PRPH2: variants seen among roughly 807,000 people sequenced by gnomAD.
The protein encoded by PRPH2 is peripherin 2, also known as peripherin-2.
A neutral mutation model predicts 31.3 loss-of-function variants in PRPH2; 17 were observed. That is an observed-to-expected ratio of 0.54 (90% confidence interval 0.37 to 0.81). The LOEUF is 0.81. Ranked by LOEUF, PRPH2 falls within the 40% of genes least tolerant of loss-of-function variation. The probability of loss-of-function intolerance (pLI) is 0.00; values close to 1 mark genes in which losing one functional copy is unlikely to be tolerated. For synonymous variants in PRPH2, 165 were observed against 184.4 expected, an observed-to-expected ratio of 0.89 and a Z score of 0.85; for missense variants, 430 against 439.7, an observed-to-expected ratio of 0.98 and a Z score of 0.20.
Position 42,699,962 on chromosome 6 carries a change from C to CTTTTTT in PRPH2, c.829-1461_829-1456dup, listed in dbSNP as rs70990126. 3.8e-4 allele frequency among the ~76,000 whole-genome samples: 52 copies of CTTTTTT among 137,874 alleles called. 3 individuals are homozygous for CTTTTTT. The highest frequency in any genetic ancestry group is 9.5e-4 in the African/African-American group (35 of 36,960). 90.5% of individuals were successfully genotyped at this position (137,874 alleles called of 152,430 possible). On this transcript the variant is annotated intron_variant, in intron 2 of 2. Coordinates refer to ENST00000230381, the MANE Select transcript of PRPH2 (RefSeq NM_000322.5). ...GCTGATAATTAGCTTATTGTTTTCACTTTTTTTTTTTTTTGAGATGGAGTC... is the reference window on the plus strand; with the variant it reads ...GCTGATAATTAGCTTATTGTTTTCACTTTTTTTTTTTTTTTTTTTTGAGATGGAGTC...
intron 1 of PRPH2, among the ~76,000 whole-genome samples, chr6:42,707,768 C>T (rs1800195134): frequency 6.6e-6 from 1 of 152,148 alleles, no homozygotes; most frequent in Non-Finnish European, 1.5e-5. Flanking sequence ...TGGGTCATGG[C>T]AACCATGTTT....
chr6:42,715,424 A>C (rs918554863), intron 1 of PRPH2, among the ~76,000 whole-genome samples: 2 of 151,976 alleles, frequency 1.3e-5, no homozygotes, highest in African/African-American at 4.8e-5. Context: ...TAATCCCAGC[A>C]ATTTGGGAGG....
intron 1 of PRPH2, among the ~76,000 whole-genome samples, chr6:42,713,346 A>C (rs957551705): frequency 1.8e-4 from 27 of 152,248 alleles, no homozygotes; most frequent in Non-Finnish European, 2.8e-4. Context: ...GCCTCCTCCA[A>C]GTGTAGCAGG....
rs41273820 is a variant in PRPH2 at position 42,698,555 on chromosome 6, G to A, written c.829-48C>T. ...AGAGGCAATCTGGGAGAATCGCTGG[G>A]AGCTGGACCATTAGGAAACCACAGG... On this transcript the variant is annotated intron_variant, in intron 2 of 2. Coordinates refer to ENST00000230381, the MANE Select transcript of PRPH2 (RefSeq NM_000322.5). 357,872 of 1,609,070 alleles carry A rather than the reference G, an allele frequency of 0.22. 40,807 individuals are homozygous for A. Among genetic ancestry groups the A allele is most frequent in the South Asian group, 0.25 (23,033 of 90,636 alleles).
Position 42,711,300 on chromosome 6 carries a change from T to A in PRPH2, c.582-6689A>T, listed in dbSNP as rs569256802. Among the ~76,000 whole-genome samples the A allele has an allele frequency of 4.8e-4, 73 of 152,356 alleles. 1 individual carries two copies. The highest frequency in any genetic ancestry group is 5.9e-5 in the Non-Finnish European group (4 of 68,038). ...AGAACAGTAAGAAATAAATCTCTACTCTTTATCAATTATCCAGACTCAGGT... is the reference window on the plus strand; with the variant it reads ...AGAACAGTAAGAAATAAATCTCTACACTTTATCAATTATCCAGACTCAGGT... On this transcript the variant is annotated intron_variant, in intron 1 of 2. Transcript: ENST00000230381.
chr6:42,702,242 TAA>T (rs555393800), intron 2 of PRPH2, among the ~76,000 whole-genome samples: 5 of 141,018 alleles, frequency 3.5e-5, no homozygotes, highest in African/African-American at 5.2e-5. Context: ...AACTCTGTCT[TAA>T]AAAAAAAAAA....
intron 1 of PRPH2, among the ~76,000 whole-genome samples, chr6:42,715,831 TGCTTACTGAG>T (rs553513335): frequency 6.6e-6 from 1 of 152,266 alleles, no homozygotes; most frequent in South Asian, 2.1e-4. Context: ...CGCCCCTCCA[TGCTTACTGAG>T]GCAATGCACT....
rs1799988943 is a variant in PRPH2, at chr6:42,698,453, T to C, written c.883A>G (p.Asn295Asp). The change falls in exon 3 of 3, where the codon AAC (asparagine) becomes GAC (aspartate). Residue 295 changes from asparagine to aspartate, a missense_variant. Coordinates refer to ENST00000230381, the MANE Select transcript of PRPH2 (RefSeq NM_000322.5). ...YLQTSLDGVS[N>D]PEESESESQG... ...CTCTCGCTCTCAGATTCCTCGGGGT[T>C]GGACACACCATCCAGCGACGTCTGT... 1 of 1,614,042 alleles carries C rather than the reference T, an allele frequency of 6.2e-7. No individual in the cohort carries two copies. The highest frequency in any genetic ancestry group is 1.1e-5 in the South Asian group (1 of 91,088).
intron 2 of PRPH2, among the ~76,000 whole-genome samples, chr6:42,701,954 G>C (rs1277595918): frequency 1.3e-5 from 2 of 151,928 alleles, no homozygotes; most frequent in East Asian, 1.9e-4. Flanking sequence ...TTAAAAGAAG[G>C]CTTCGGCTGG....
chr6:42,717,498 G>A (rs1053015819), intron 1 of PRPH2, among the ~76,000 whole-genome samples: 2 of 151,946 alleles, frequency 1.3e-5, no homozygotes, highest in South Asian at 2.1e-4. Flanking sequence ...AGCCCGGGGG[G>A]TGCTGCCGAG....
rs529100150 is a variant in PRPH2, at chr6:42,704,437, A to G, written c.756T>C (p.Ala252=). 22 of 1,611,984 alleles carry G rather than the reference A, an allele frequency of 1.4e-5. No homozygotes were observed. The South Asian group carries it at 2.4e-4, about 18-fold the overall frequency. The part of the protein sequence containing the change: ...ELNLWVRGCR[A]ALLSYYSSLM... ...GGCTGCTGTAGTAGCTCAGCAGGGC[A>G]GCCCTGCAGCCACGCACCCACAGGT... Residue 252 remains alanine (A), a synonymous_variant, in exon 2 of 3, where the codon GCT becomes GCC. Transcript: ENST00000230381.
At chr6:42,716,932 TTTTTTTCTTTTCTTTTC>T in intron 1 of PRPH2, among the ~76,000 whole-genome samples, 2 of 31,638 alleles carry the variant, frequency 6.3e-5, no homozygotes, top group African/African-American at 1.1e-4. Flanking sequence ...TTTTCTTTTC[TTTTTTTCTTTTCTTTTC>T]TTTCTTTCTT....
intron 2 of PRPH2, 21 bp from the exon 3 acceptor site, chr6:42,698,528 T>C (rs368234195): frequency 6.2e-6 from 10 of 1,613,764 alleles, no homozygotes; most frequent in Non-Finnish European, 6.8e-6. Flanking sequence ...GAGAGGAGAT[T>C]TAGAGGCAAT....
intron 2 of PRPH2, among the ~76,000 whole-genome samples, chr6:42,701,418 T>C (rs1011735917): frequency 3.3e-5 from 5 of 152,040 alleles, no homozygotes; most frequent in African/African-American, 1.2e-4. Context: ...CCACCGCGCC[T>C]GGCCGTCATT....
Position 42,722,521 on chromosome 6 carries a change from C to A in PRPH2, c.-187G>T. 2.7e-6 allele frequency: 4 copies of A among 1,466,086 alleles called. No individual in the cohort carries two copies. The highest frequency in any genetic ancestry group is 2.7e-6 in the Non-Finnish European group (3 of 1,113,844). The allele number at this position is 1,466,086 out of a possible 1,614,324, so 90.8% of individuals were successfully genotyped here. ...ATCCCCGTGAATGCAGTAGTGGTGG[C>A]AGGGGTCTCGGAATCACAGCTTGAG... On this transcript the variant is annotated 5_prime_UTR_variant, in exon 1 of 3. Coordinates refer to ENST00000230381, the MANE Select transcript of PRPH2 (RefSeq NM_000322.5). The surrounding 1 kb of genome is among the most constrained non-coding windows in gnomAD (Gnocchi z 4.4).
intron 1 of PRPH2, among the ~76,000 whole-genome samples, chr6:42,712,974 C>T (rs1425444431): frequency 6.6e-6 from 1 of 151,790 alleles, no homozygotes. Context: ...CCTGTAATCC[C>T]AGCACTTTGG....
chr6:42,705,690 C>T (rs1394606773), intron 1 of PRPH2, among the ~76,000 whole-genome samples: 2 of 145,332 alleles, frequency 1.4e-5, no homozygotes, highest in Non-Finnish European at 3.0e-5. Context: ...GGCGCGGTGG[C>T]TCACGCCTGT....
At chr6:42,712,924 G>A (rs9471909) in intron 1 of PRPH2, among the ~76,000 whole-genome samples, 85,924 of 151,608 alleles carry the variant, frequency 0.57, 24,289 homozygotes, top group Middle Eastern at 0.64. Flanking sequence ...AGATAAAAGA[G>A]CATCAGTTGA....
At chr6:42,703,600 T>G (rs756065677) in intron 2 of PRPH2, among the ~76,000 whole-genome samples, 1 of 152,106 alleles carries the variant, frequency 6.6e-6, no homozygotes, top group Non-Finnish European at 1.5e-5. Flanking sequence ...ATGGGTCCAT[T>G]TATATGAAAT....
Sources: gnomAD v4.1 joint callset for allele counts (sites outside exome capture counted in the v4.1 genomes callset) on GRCh38, gnomAD v4.1.1 for gene constraint, Gnocchi (gnomAD v3.1) non-coding constraint, MANE v1.5 for transcripts, NCBI Gene and HGNC (gene_info 2026-07-23, HGNC 2026-07-21) for gene names.